ROBO2: variants seen among roughly 807,000 people sequenced by gnomAD.
ROBO2 encodes roundabout homolog 2.
Under a neutral mutation model 160.8 loss-of-function variants are expected in ROBO2, and 53 were observed. That is an observed-to-expected ratio of 0.33 (90% CI 0.26 to 0.41). The LOEUF (loss-of-function observed/expected upper bound fraction) is 0.41, where lower values mean the gene tolerates loss of function less well. Ranked by LOEUF, ROBO2 falls within the 10% of genes least tolerant of loss-of-function variation. The pLI is 1.00. For missense variants in ROBO2, 1,577 were observed against 1,722.4 expected, an observed-to-expected ratio of 0.92 and a Z score of 1.49; for synonymous variants, 664 against 611.7, an observed-to-expected ratio of 1.09 and a Z score of -1.26.
intron 24 of ROBO2, among the ~76,000 whole-genome samples, chr3:77,644,458 T>C (rs1175301000): frequency 6.6e-6 from 1 of 152,192 alleles, no homozygotes; most frequent in African/African-American, 2.4e-5. Flanking sequence ...GCAAATAATA[T>C]ATAACATTGT....
intron 2 of ROBO2, among the ~76,000 whole-genome samples, chr3:76,277,555 G>A (rs891680975): frequency 6.6e-6 from 1 of 151,862 alleles, no homozygotes; most frequent in African/African-American, 2.4e-5. Context: ...AAGCAAGGAG[G>A]GGGCAAAATC....
intron 1 of ROBO2, among the ~76,000 whole-genome samples, chr3:77,094,793 G>A (rs1322798504): frequency 6.6e-6 from 1 of 152,046 alleles, no homozygotes; most frequent in Non-Finnish European, 1.5e-5. Context: ...ATGATGTTGA[G>A]TATCTCTTTA....
intron 2 of ROBO2, among the ~76,000 whole-genome samples, chr3:76,213,008 A>C (rs1214838921): frequency 6.6e-6 from 1 of 152,176 alleles, no homozygotes; most frequent in Non-Finnish European, 1.5e-5. Context: ...GTTAAACACT[A>C]TCTCTTTAGC....
chr3:76,672,245 A>C (rs1422801821), intron 2 of ROBO2, among the ~76,000 whole-genome samples: 1 of 152,076 alleles, frequency 6.6e-6, no homozygotes, highest in African/African-American at 2.4e-5. Flanking sequence ...AATGAAGAGC[A>C]AGGACAAAGG....
intron 2 of ROBO2, among the ~76,000 whole-genome samples, chr3:77,466,951 C>G (rs942876961): frequency 6.6e-6 from 1 of 152,124 alleles, no homozygotes. Flanking sequence ...AGCAATAACA[C>G]GTTGATACCA....
intron 2 of ROBO2, among the ~76,000 whole-genome samples, chr3:76,410,757 A>T (rs1303441378): frequency 6.6e-6 from 1 of 152,214 alleles, no homozygotes; most frequent in Non-Finnish European, 1.5e-5. Context: ...GAGAATATAC[A>T]TGTCTTTAAT....
At chr3:77,238,135 C>T (rs1418522946) in intron 2 of ROBO2, among the ~76,000 whole-genome samples, 1 of 152,020 alleles carries the variant, frequency 6.6e-6, no homozygotes, top group African/African-American at 2.4e-5. Flanking sequence ...CATAACAGTC[C>T]TTTATCTAGT....
At chr3:76,559,312 T>C (rs543275963) in intron 2 of ROBO2, among the ~76,000 whole-genome samples, 2 of 152,338 alleles carry the variant, frequency 1.3e-5, no homozygotes, top group East Asian at 3.9e-4. Context: ...ATATAAGGAA[T>C]ATTCTTATGA....
In ROBO2 at chr3:76,585,242, A is replaced by C. The variant is rs369414038; in HGVS notation, c.110-512772A>C. 2.8e-4 allele frequency among the ~76,000 whole-genome samples: 42 copies of C among 152,332 alleles called. 2 individuals are homozygous for C. The highest frequency in any genetic ancestry group is 2.7e-3 in the South Asian group (13 of 4,824). On this transcript the variant is annotated intron_variant, in intron 2 of 26. Coordinates refer to the ROBO2 transcript ENST00000487694. ...ATTAAGGGACTTTATTTTACTATGA[A>C]GCATTTATTCCCTTTTTGGAAAAAA...
chr3:76,149,044 T>G (rs2072036320), intron 2 of ROBO2, among the ~76,000 whole-genome samples: 1 of 152,068 alleles, frequency 6.6e-6, no homozygotes, highest in Admixed American at 6.6e-5. Context: ...TAAGCCTCAA[T>G]TTTTCTCGTC....
chr3:77,503,939 G>A (rs552733761), intron 5 of ROBO2, among the ~76,000 whole-genome samples: 40 of 152,324 alleles, frequency 2.6e-4, no homozygotes, highest in African/African-American at 7.0e-4. Context: ...TATAAGGAAT[G>A]GGAGGACAAA....
At chr3:76,652,097 CA>C (rs1429265321) in intron 2 of ROBO2, among the ~76,000 whole-genome samples, 7 of 152,080 alleles carry the variant, frequency 4.6e-5, no homozygotes, top group African/African-American at 1.7e-4. Context: ...GCTTAATTTC[CA>C]ACAAATTAGC....
chr3:76,723,123 A>AT (rs754384257), intron 2 of ROBO2, among the ~76,000 whole-genome samples: 1 of 152,110 alleles, frequency 6.6e-6, no homozygotes, highest in Non-Finnish European at 1.5e-5. Flanking sequence ...GTGTTATACA[A>AT]TTTTTCTATT....
intron 2 of ROBO2, among the ~76,000 whole-genome samples, chr3:77,283,609 G>C (rs1366810499): frequency 6.6e-6 from 1 of 151,942 alleles, no homozygotes; most frequent in African/African-American, 2.4e-5. Context: ...CATTATTTGA[G>C]GCTTTTGAAC....
intron 2 of ROBO2, among the ~76,000 whole-genome samples, chr3:77,004,829 C>T (rs865871644): frequency 2.6e-5 from 4 of 152,250 alleles, no homozygotes; most frequent in South Asian, 4.1e-4. Flanking sequence ...GCACCTTCAC[C>T]GGGCTTCTCA....
At chr3:77,275,208 C>T (rs1021894504) in intron 2 of ROBO2, among the ~76,000 whole-genome samples, 1 of 152,086 alleles carries the variant, frequency 6.6e-6, no homozygotes, top group Non-Finnish European at 1.5e-5. Context: ...AGGTAATTGA[C>T]TTTGAAAATT....
chr3:76,823,794 T>C (rs2066329025), intron 2 of ROBO2, among the ~76,000 whole-genome samples: 1 of 152,162 alleles, frequency 6.6e-6, no homozygotes, highest in Admixed American at 6.6e-5. Context: ...AACGGAATAA[T>C]ATTTTAACAT....
chr3:76,336,918 C>T (rs1482960005), intron 2 of ROBO2, among the ~76,000 whole-genome samples: 2 of 151,494 alleles, frequency 1.3e-5, no homozygotes, highest in Non-Finnish European at 2.9e-5. Context: ...ATTCTAATTC[C>T]CAAAATTAAT....
chr3:77,346,487 A>G (rs2067655402), intron 2 of ROBO2, among the ~76,000 whole-genome samples: 1 of 152,086 alleles, frequency 6.6e-6, no homozygotes, highest in Admixed American at 6.6e-5. Context: ...ATCACTGTGT[A>G]ACTTGCTGTC....
Sources: allele counts gnomAD v4.1 joint callset (sites outside exome capture counted in the v4.1 genomes callset), GRCh38; gene constraint gnomAD v4.1.1; transcripts MANE v1.5; gene names NCBI Gene and HGNC (gene_info 2026-07-23, HGNC 2026-07-21).